The following AGAP1 variants were observed in gnomAD, a reference collection of about 807,000 sequenced individuals.
The protein encoded by AGAP1 is ArfGAP with GTPase domain, ankyrin repeat and PH domain 1, also known as arf-GAP with GTPase, ANK repeat and PH domain-containing protein 1.
AGAP1 carries 29 observed loss-of-function variants against 105.3 expected under a neutral mutation model. That is an observed-to-expected ratio of 0.28 (90% CI 0.21 to 0.38). The LOEUF is 0.38. Ranked by LOEUF, AGAP1 falls within the 10% of genes least tolerant of loss-of-function variation. The pLI is 1.00. For missense variants in AGAP1, 998 were observed against 1,165.1 expected, an observed-to-expected ratio of 0.86 and a Z score of 2.09; for synonymous variants, 509 against 485.9, an observed-to-expected ratio of 1.05 and a Z score of -0.63.
rs1158438953 is a variant in AGAP1 at position 235,615,335 on chromosome 2, G to A, written c.164-93844G>A. Reference sequence around the variant, plus strand: ...TCTGCCTCGCACTGCCTTCTAATGGGTCCCACTGAGGAGCTTGCCAGTATT... The same window carrying A: ...TCTGCCTCGCACTGCCTTCTAATGGATCCCACTGAGGAGCTTGCCAGTATT... On this transcript the variant is annotated intron_variant, in intron 1 of 17. Transcript: ENST00000304032. This position sits in a 1 kb window ranked among gnomAD's most constrained non-coding sequence, Gnocchi z 5.0. 6.6e-6 allele frequency among the ~76,000 whole-genome samples: 1 copy of A among 152,156 alleles called. No individual in the cohort carries two copies. The highest frequency in any genetic ancestry group is 1.5e-5 in the Non-Finnish European group (1 of 68,024).
At chr2:235,914,144 C>T (rs1364366511) in intron 11 of AGAP1, among the ~76,000 whole-genome samples, 3 of 152,132 alleles carry the variant, frequency 2.0e-5, no homozygotes, top group Non-Finnish European at 4.4e-5. Context: ...TCTTGCTGAA[C>T]TCTTGTTAGT....
intron 1 of AGAP1, among the ~76,000 whole-genome samples, chr2:235,567,882 A>G (rs1337304339): frequency 6.6e-6 from 1 of 152,106 alleles, no homozygotes; most frequent in Non-Finnish European, 1.5e-5. Context: ...TGGCCTCTCA[A>G]TATGCGGAGG....
chr2:235,922,991 C>T (rs2052255064), intron 11 of AGAP1, among the ~76,000 whole-genome samples: 1 of 152,216 alleles, frequency 6.6e-6, no homozygotes, highest in African/African-American at 2.4e-5. Flanking sequence ...AGTAAGCACA[C>T]ACACATATCC....
chr2:235,688,444 A>C (rs893122347), intron 1 of AGAP1, among the ~76,000 whole-genome samples: 1 of 152,010 alleles, frequency 6.6e-6, no homozygotes, highest in East Asian at 1.9e-4. Context: ...CTCACCTCTC[A>C]CATTTCCAGC....
chr2:235,967,695 G>T lies in AGAP1; in HGVS notation c.1484-767G>T, dbSNP rs13382399. 0.12 allele frequency among the ~76,000 whole-genome samples: 18,588 copies of T among 152,156 alleles called. 2,959 individuals carry two copies. The highest frequency in any genetic ancestry group is 0.37 in the African/African-American group (15,351 of 41,450). On this transcript the variant is annotated intron_variant, in intron 12 of 17. Coordinates refer to ENST00000304032, the MANE Select transcript of AGAP1 (RefSeq NM_001037131.3). This position sits in a 1 kb window ranked among gnomAD's most constrained non-coding sequence, Gnocchi z 4.7. ...CTGTTTTTCCTGCACGTTTTCAGTG[G>T]GCTTTTTTCCACCCGGCTTGAATTA...
chr2:235,943,342 G>A (rs2125225686), intron 12 of AGAP1, among the ~76,000 whole-genome samples: 1 of 149,420 alleles, frequency 6.7e-6, no homozygotes, highest in East Asian at 2.0e-4. Context: ...ATGCAAAAAG[G>A]CAAAGACCTA....
Position 235,551,643 on chromosome 2 carries a change from C to T in AGAP1, c.163+56794C>T, listed in dbSNP as rs557162115. On this transcript the variant is annotated intron_variant, in intron 1 of 17. Transcript: ENST00000304032. The surrounding 1 kb of genome is among the most constrained non-coding windows in gnomAD (Gnocchi z 4.8). Reference sequence around the variant, plus strand: ...GGACACTTTGTGAGACTAATTAAAACGTTTTTCTTTCCAAGGCACGTGGCA... The same window carrying T: ...GGACACTTTGTGAGACTAATTAAAATGTTTTTCTTTCCAAGGCACGTGGCA... Among the ~76,000 whole-genome samples the T allele has an allele frequency of 2.6e-5, 4 of 152,354 alleles. No homozygotes were observed. In the East Asian group the frequency reaches 5.8e-4, roughly 22 times the overall value.
At position 236,005,127 on chromosome 2, in the gene AGAP1, G is replaced by T. The variant is rs111517837; in HGVS notation, c.1646-31434G>T. Among the ~76,000 whole-genome samples, 66 of 145,946 alleles carry T rather than the reference G, an allele frequency of 4.5e-4. No individual in the cohort carries two copies. Among genetic ancestry groups the T allele is most frequent in the East Asian group, 7.8e-4 (4 of 5,144 alleles). On this transcript the variant is annotated intron_variant, in intron 13 of 17. Transcript: ENST00000304032. This position sits in a 1 kb window ranked among gnomAD's most constrained non-coding sequence, Gnocchi z 4.1. The stretch of plus-strand genomic sequence containing the variant: ...CCCTGACAAGTTTCCCATGTTTTTT[G>T]TGTGTGTGTGTGTTTTGGTTTTTGT...
chr2:235,511,815 AGTGTGTGTGAAT>A (rs1243983863), intron 1 of AGAP1, among the ~76,000 whole-genome samples: 13 of 151,258 alleles, frequency 8.6e-5, no homozygotes, highest in Admixed American at 1.3e-4. Flanking sequence ...TATTTGTGTG[AGTGTGTGTGAAT>A]GTGTGTGTGA....
intron 1 of AGAP1, among the ~76,000 whole-genome samples, chr2:235,518,730 A>C (rs1942497240): frequency 2.0e-5 from 3 of 152,238 alleles, no homozygotes; most frequent in African/African-American, 4.8e-5. Context: ...CTTGGATATA[A>C]CTTTTTTAAT....
rs1036598594 is a variant in AGAP1 at position 235,931,039 on chromosome 2, T to C, written c.1483+116T>C. On this transcript the variant is annotated intron_variant, in intron 12 of 17. Transcript: ENST00000304032. This position sits in a 1 kb window ranked among gnomAD's most constrained non-coding sequence, Gnocchi z 5.6. ...GCTCCTCTGGGAGCGCAGCACCCTG[T>C]GGGGCGGCTGCATCAGAGACTCACA... 7.5e-6 allele frequency: 9 copies of C among 1,207,790 alleles called. No homozygotes were observed. The highest frequency in any genetic ancestry group is 1.0e-5 in the Non-Finnish European group (9 of 890,800). 74.8% of individuals were successfully genotyped at this position (1,207,790 alleles called of 1,614,324 possible). A position where few individuals can be genotyped will look rare whatever the true frequency, so the allele number is the denominator to read the frequency against.
In AGAP1 at chr2:235,621,153, C is replaced by T. The variant is rs1356806560; in HGVS notation, c.164-88026C>T. 2.0e-5 allele frequency among the ~76,000 whole-genome samples: 3 copies of T among 152,166 alleles called. No homozygotes were observed. The highest frequency in any genetic ancestry group is 4.4e-5 in the Non-Finnish European group (3 of 68,032). On this transcript the variant is annotated intron_variant, in intron 1 of 17. Transcript: ENST00000304032. This position sits in a 1 kb window ranked among gnomAD's most constrained non-coding sequence, Gnocchi z 4.1. ...TCTCCTGCCTTGGCCTCCGGAGGAG[C>T]TGAGACTACAGGCGCCCGCCACCAC... is the stretch of plus-strand genomic sequence containing the variant.
At chr2:235,594,883 GTTTT>G (rs34386154) in intron 1 of AGAP1, among the ~76,000 whole-genome samples, 24 of 109,910 alleles carry the variant, frequency 2.2e-4, no homozygotes, top group African/African-American at 7.3e-4. Flanking sequence ...CCAGATTGCT[GTTTT>G]TTTTTTTTTT....
intron 1 of AGAP1, among the ~76,000 whole-genome samples, chr2:235,528,243 A>G (rs994472471): frequency 6.8e-6 from 1 of 147,232 alleles, no homozygotes; most frequent in African/African-American, 2.5e-5. Flanking sequence ...CTGAGGGGGA[A>G]CCTGGCCACG....
chr2:236,009,433 G>A lies in AGAP1; in HGVS notation c.1646-27128G>A, dbSNP rs1236014489. Among the ~76,000 whole-genome samples, 6 of 152,154 alleles carry A rather than the reference G, an allele frequency of 3.9e-5. No individual in the cohort carries two copies. On this transcript the variant is annotated intron_variant, in intron 13 of 17. Coordinates refer to ENST00000304032, the MANE Select transcript of AGAP1 (RefSeq NM_001037131.3). The surrounding 1 kb of genome is among the most constrained non-coding windows in gnomAD (Gnocchi z 4.2). ...AGGATCCTGGTGCCGCAGTCAGCCT[G>A]AAACACTCCAAGGAGCAGAGACGCT...
chr2:235,730,980 C>T (rs1170643345), intron 3 of AGAP1, among the ~76,000 whole-genome samples: 1 of 152,158 alleles, frequency 6.6e-6, no homozygotes, highest in Non-Finnish European at 1.5e-5. Flanking sequence ...AACCCCCAGC[C>T]CCTAGCCCGG....
rs1350617353 is a variant in AGAP1 at position 236,002,929 on chromosome 2, C to T, written c.1646-33632C>T. The stretch of plus-strand genomic sequence containing the variant: ...AGGGCCGGGGTCGCTGGGTTCCAGG[C>T]GCAGCCATGAGACACCTGCTCTGCA... On this transcript the variant is annotated intron_variant, in intron 13 of 17. Coordinates refer to ENST00000304032, the MANE Select transcript of AGAP1 (RefSeq NM_001037131.3). The surrounding 1 kb of genome is among the most constrained non-coding windows in gnomAD (Gnocchi z 4.3). Among the ~76,000 whole-genome samples the T allele has an allele frequency of 6.6e-6, 1 of 152,052 alleles. No individual in the cohort carries two copies. Among genetic ancestry groups the T allele is most frequent in the Non-Finnish European group, 1.5e-5 (1 of 68,012 alleles).
At position 235,936,869 on chromosome 2, in the gene AGAP1, T is replaced by C. The variant is rs188223645; in HGVS notation, c.1483+5946T>C. On this transcript the variant is annotated intron_variant, in intron 12 of 17. Transcript: ENST00000304032. The surrounding 1 kb of genome is among the most constrained non-coding windows in gnomAD (Gnocchi z 4.7). ...GGCTGAGAAACCAAGACCATACTTA[T>C]CATTATTAGCCAAAATTCAAACCCA... 3.0e-4 allele frequency among the ~76,000 whole-genome samples: 46 copies of C among 152,020 alleles called. 1 individual carries two copies. Among genetic ancestry groups the C allele is most frequent in the African/African-American group, 8.2e-4 (34 of 41,474 alleles).
At chr2:236,019,293 C>T (rs1023493555) in intron 13 of AGAP1, among the ~76,000 whole-genome samples, 1 of 152,146 alleles carries the variant, frequency 6.6e-6, no homozygotes, top group Non-Finnish European at 1.5e-5. Flanking sequence ...CGCCCACTGC[C>T]CTCAGGGAGC....
Sources: gnomAD v4.1 joint callset for allele counts (sites outside exome capture counted in the v4.1 genomes callset) on GRCh38, gnomAD v4.1.1 for gene constraint, Gnocchi (gnomAD v3.1) non-coding constraint, MANE v1.5 for transcripts, NCBI Gene and HGNC (gene_info 2026-07-23, HGNC 2026-07-21) for gene names.